The following NR6A1 variants were observed in gnomAD, a reference collection of about 807,000 sequenced individuals.
The protein encoded by NR6A1 is retinoic acid receptor-related testis-associated receptor.
Under a neutral mutation model 59.1 loss-of-function variants are expected in NR6A1, and 7 were observed. The ratio of observed to expected loss-of-function variants is 0.12; its 90% CI spans 0.07 to 0.22. NR6A1 has a LOEUF of 0.22. Ranked by LOEUF, NR6A1 falls within the 10% of genes least tolerant of loss-of-function variation. NR6A1 has a pLI of 1.00. For missense variants in NR6A1, 468 were observed against 611.6 expected (o/e 0.77, Z 2.48); for synonymous variants, 243 against 236.1 (o/e 1.03, Z -0.27).
chr9:124,710,500 G>A (rs574253171), intron 2 of NR6A1, among the ~76,000 whole-genome samples: 1 of 152,262 alleles, frequency 6.6e-6, no homozygotes, highest in Admixed American at 6.5e-5. Context: ...ATTGCAATGA[G>A]CCTCAGCCTA....
At chr9:124,707,781 C>G (rs1458569277) in intron 2 of NR6A1, among the ~76,000 whole-genome samples, 7 of 152,100 alleles carry the variant, frequency 4.6e-5, no homozygotes, top group Non-Finnish European at 5.9e-5. Context: ...ATTTTGAAGC[C>G]TGACTTGCAG....
Position 124,642,055 on chromosome 9 carries a change from T to A in NR6A1, c.143-87485A>T, listed in dbSNP as rs568180921. On this transcript the variant is annotated intron_variant, in intron 2 of 9. Coordinates refer to ENST00000487099, the MANE Select transcript of NR6A1 (RefSeq NM_033334.4). ...GAGTGAGTTTGTGTGCTTCTTTTTTTTTTCTTTTGAGACAGTCAAGTCTTG... is the reference window on the plus strand; with the variant it reads ...GAGTGAGTTTGTGTGCTTCTTTTTTATTTCTTTTGAGACAGTCAAGTCTTG... Among the ~76,000 whole-genome samples, 90 of 152,246 alleles carry A rather than the reference T, an allele frequency of 5.9e-4. 1 individual carries two copies. In the South Asian group the frequency reaches 0.018, roughly 31 times the overall value.
At position 124,656,453 on chromosome 9, in the gene NR6A1, C is replaced by T. The variant is rs1837261585; in HGVS notation, c.142+76855G>A. The stretch of plus-strand genomic sequence containing the variant: ...ACAACATGCATGAACCTTGAGGACA[C>T]CATGCTAAGTGAAATAAGCCTGTCA... On this transcript the variant is annotated intron_variant, in intron 2 of 9. Transcript: ENST00000487099. Among the ~76,000 whole-genome samples the T allele has an allele frequency of 2.0e-5, 3 of 152,092 alleles. No individual in the cohort carries two copies. The South Asian group carries it at 6.2e-4, about 31-fold the overall frequency.
intron 2 of NR6A1, among the ~76,000 whole-genome samples, chr9:124,697,563 G>T (rs1838807131): frequency 6.6e-6 from 1 of 151,854 alleles, no homozygotes; most frequent in African/African-American, 2.4e-5. Context: ...AGAATGGATG[G>T]TATGTTGTGT....
intron 2 of NR6A1, among the ~76,000 whole-genome samples, chr9:124,714,004 A>G (rs979967508): frequency 6.6e-6 from 1 of 152,228 alleles, no homozygotes; most frequent in African/African-American, 2.4e-5. Flanking sequence ...GTGTCCATCA[A>G]TAGGTGAATG....
In NR6A1 at chr9:124,588,793, G is replaced by A. The variant is rs184453172; in HGVS notation, c.143-34223C>T. On this transcript the variant is annotated intron_variant, in intron 2 of 9. Coordinates refer to ENST00000487099, the MANE Select transcript of NR6A1 (RefSeq NM_033334.4). ...AAATTAGCGGGGAATGGTGGAGGGCGCCTGTAGTCCCAGCTACTCGGGAGG... is the reference window on the plus strand; with the variant it reads ...AAATTAGCGGGGAATGGTGGAGGGCACCTGTAGTCCCAGCTACTCGGGAGG... 7.1e-3 allele frequency among the ~76,000 whole-genome samples: 1,067 copies of A among 150,300 alleles called. 11 individuals are homozygous for A. Among genetic ancestry groups the A allele is most frequent in the African/African-American group, 0.025 (1,038 of 41,082 alleles).
At chr9:124,563,548 T>TA (rs1311744979) in intron 2 of NR6A1, among the ~76,000 whole-genome samples, 26 of 152,320 alleles carry the variant, frequency 1.7e-4, no homozygotes, top group Admixed American at 1.1e-3. Context: ...GATGAAATGA[T>TA]ACAGTACAAG....
chr9:124,672,584 C>T (rs1791092857), intron 2 of NR6A1, among the ~76,000 whole-genome samples: 1 of 151,418 alleles, frequency 6.6e-6, no homozygotes, highest in Admixed American at 6.6e-5. Context: ...CACTGCACTC[C>T]AGCCTGGGCG....
At chr9:124,742,071 T>C (rs548317728) in intron 1 of NR6A1, among the ~76,000 whole-genome samples, 21 of 152,168 alleles carry the variant, frequency 1.4e-4, no homozygotes, top group Non-Finnish European at 2.4e-4. Flanking sequence ...TTTGACTTGA[T>C]TGGAATCTCA....
chr9:124,562,426 TG>T (rs1048429461), intron 2 of NR6A1, among the ~76,000 whole-genome samples: 5 of 152,100 alleles, frequency 3.3e-5, no homozygotes, highest in Admixed American at 2.6e-4. Context: ...AAATGTTTTT[TG>T]TTTTTTTTTT....
At chr9:124,739,512 T>C (rs991305659) in intron 1 of NR6A1, among the ~76,000 whole-genome samples, 4 of 152,204 alleles carry the variant, frequency 2.6e-5, no homozygotes, top group Admixed American at 2.6e-4. Context: ...TGGGGTGCAG[T>C]GGCACGATCA....
intron 5 of NR6A1, 30 bp downstream of exon 5, chr9:124,540,003 T>TCTTTAAGG: frequency 6.4e-7 from 1 of 1,571,300 alleles, no homozygotes; most frequent in South Asian, 1.2e-5. Context: ...GATCCCTAGA[T>TCTTTAAGG]GATGACCATG....
intron 2 of NR6A1, among the ~76,000 whole-genome samples, chr9:124,580,793 C>G (rs576326995): frequency 6.6e-6 from 1 of 152,042 alleles, no homozygotes; most frequent in Admixed American, 6.5e-5. Context: ...GTACTCTAGC[C>G]TGGGCAACAG....
Position 124,721,251 on chromosome 9 carries a change from C to G in NR6A1, c.142+12057G>C, listed in dbSNP as rs529084932. Among the ~76,000 whole-genome samples, 11 of 152,312 alleles carry G rather than the reference C, an allele frequency of 7.2e-5. No homozygotes were observed. The South Asian group carries it at 2.3e-3, about 32-fold the overall frequency. ...TCATCAACTGTAAACAAGTGCTAAA[C>G]TCTCGGCTCCATAGGGAGTCCCTAC... is the stretch of plus-strand genomic sequence containing the variant. On this transcript the variant is annotated intron_variant, in intron 2 of 9. Transcript: ENST00000487099.
intron 2 of NR6A1, among the ~76,000 whole-genome samples, chr9:124,659,281 G>A (rs1338384309): frequency 2.0e-5 from 3 of 152,078 alleles, no homozygotes; most frequent in Non-Finnish European, 2.9e-5. Context: ...CTGCAGGGGC[G>A]GGAGCGGGGG....
At chr9:124,729,757 G>A (rs1245039417) in intron 2 of NR6A1, among the ~76,000 whole-genome samples, 6 of 151,506 alleles carry the variant, frequency 4.0e-5, no homozygotes, top group Non-Finnish European at 7.4e-5. Context: ...GGCTGAACAT[G>A]CTCATTTGAA....
At chr9:124,599,397 C>T (rs1002491318) in intron 2 of NR6A1, 3 of 362,172 alleles carry the variant, frequency 8.3e-6, no homozygotes, top group African/African-American at 4.5e-5. Context: ...CCAGCCTGGG[C>T]GACAAAAGCG....
intron 2 of NR6A1, among the ~76,000 whole-genome samples, chr9:124,597,950 C>A (rs1835325038): frequency 6.6e-6 from 1 of 152,182 alleles, no homozygotes; most frequent in Non-Finnish European, 1.5e-5. Context: ...AGCAATCCTC[C>A]CGCATGAGCC....
intron 2 of NR6A1, among the ~76,000 whole-genome samples, chr9:124,605,609 TAAAC>T (rs1289300923): frequency 1.1e-4 from 16 of 151,872 alleles, no homozygotes; most frequent in Non-Finnish European, 1.9e-4. Flanking sequence ...GAACACCAAA[TAAAC>T]AAACAAACCC....
Sources: allele counts gnomAD v4.1 joint callset (sites outside exome capture counted in the v4.1 genomes callset), GRCh38; gene constraint gnomAD v4.1.1; transcripts MANE v1.5; gene names NCBI Gene and HGNC (gene_info 2026-07-23, HGNC 2026-07-21).